Variants in CSMD3 observed in about 807,000 individuals in gnomAD.
CSMD3 encodes CUB and sushi domain-containing protein 3.
A neutral mutation model predicts 435.2 loss-of-function variants in CSMD3; 177 were observed. That is an observed-to-expected ratio of 0.41 (90% CI 0.36 to 0.46). The LOEUF (loss-of-function observed/expected upper bound fraction) is 0.46. CSMD3 is among the 20% of genes least tolerant of loss of function. CSMD3 has a pLI of 0.34. For missense variants in CSMD3, 4,265 were observed against 4,504.6 expected, an observed-to-expected ratio of 0.95 and a Z score of 1.52; for synonymous variants, 1,656 against 1,520.5, an observed-to-expected ratio of 1.09 and a Z score of -2.07.
chr8:113,085,038 A>G (rs2089708572), intron 5 of CSMD3, among the ~76,000 whole-genome samples: 1 of 152,120 alleles, frequency 6.6e-6, no homozygotes, highest in South Asian at 2.1e-4. Context: ...TACGAAACAC[A>G]CTTGAGGACA....
chr8:112,779,883 C>T (rs2078339856), intron 13 of CSMD3, among the ~76,000 whole-genome samples: 1 of 151,976 alleles, frequency 6.6e-6, no homozygotes, highest in South Asian at 2.1e-4. Context: ...ATTCTGTAAA[C>T]CTAAATGTCA....
chr8:112,818,557 C>T (rs1402968126), intron 12 of CSMD3, among the ~76,000 whole-genome samples: 1 of 152,152 alleles, frequency 6.6e-6, no homozygotes, highest in Non-Finnish European at 1.5e-5. Flanking sequence ...GTTAGAAAAG[C>T]ATTATTTAAA....
At chr8:112,740,105 C>T (rs1405066880) in intron 13 of CSMD3, among the ~76,000 whole-genome samples, 2 of 151,620 alleles carry the variant, frequency 1.3e-5, no homozygotes, top group Non-Finnish European at 3.0e-5. Flanking sequence ...TATCTGTATA[C>T]AAATATTTTG....
intron 23 of CSMD3, 55 bp downstream of exon 23, chr8:112,587,011 T>G: frequency 8.4e-7 from 1 of 1,189,468 alleles, no homozygotes; most frequent in Non-Finnish European, 1.3e-6. Context: ...TATCTATTGA[T>G]GTATATTTAA....
intron 4 of CSMD3, among the ~76,000 whole-genome samples, chr8:113,145,863 G>A (rs968063401): frequency 4.0e-5 from 6 of 151,398 alleles, no homozygotes; most frequent in African/African-American, 1.5e-4. Flanking sequence ...ACTGCTGTTG[G>A]CCACACAGGC....
chr8:112,592,649 A>T (rs1831294864), intron 22 of CSMD3, among the ~76,000 whole-genome samples: 1 of 152,162 alleles, frequency 6.6e-6, no homozygotes, highest in Non-Finnish European at 1.5e-5. Flanking sequence ...AATCAATTAT[A>T]TCATTTTCTG....
At chr8:112,281,911 A>C (rs1439302056) in intron 58 of CSMD3, among the ~76,000 whole-genome samples, 1 of 152,118 alleles carries the variant, frequency 6.6e-6, no homozygotes. Context: ...AAAGTAATTA[A>C]ATATTAGTAA....
intron 35 of CSMD3, among the ~76,000 whole-genome samples, chr8:112,396,034 A>T (rs944131582): frequency 2.0e-5 from 3 of 152,210 alleles, no homozygotes; most frequent in Non-Finnish European, 2.9e-5. Context: ...CATTTTAACT[A>T]TAAGCACAAC....
chr8:112,667,714 G>A (rs1295761363), intron 16 of CSMD3, among the ~76,000 whole-genome samples: 3 of 152,054 alleles, frequency 2.0e-5, no homozygotes, highest in Non-Finnish European at 4.4e-5. Flanking sequence ...ACACAGAAGA[G>A]AAAATGGAGG....
At position 112,765,536 on chromosome 8, in the gene CSMD3, A is replaced by T. The variant is rs1168528538; in HGVS notation, c.1972+34626T>A. ...AATCCAGCGTGCAGGAGGTGATTAC[A>T]TCGTTTTCTATATGAGTGTCAGGCT... On this transcript the variant is annotated intron_variant, in intron 13 of 70. Coordinates refer to ENST00000297405, the MANE Select transcript of CSMD3 (RefSeq NM_198123.2). 3.3e-5 allele frequency among the ~76,000 whole-genome samples: 5 copies of T among 151,788 alleles called. No individual in the cohort carries two copies. In the East Asian group the frequency reaches 9.7e-4, roughly 29 times the overall value.
chr8:113,100,021 A>T (rs1248399828), intron 4 of CSMD3, among the ~76,000 whole-genome samples: 1 of 152,118 alleles, frequency 6.6e-6, no homozygotes, highest in Non-Finnish European at 1.5e-5. Flanking sequence ...ATGGAGATGG[A>T]CAATATCTTT....
At chr8:112,634,235 A>G (rs1188722162) in intron 22 of CSMD3, among the ~76,000 whole-genome samples, 1 of 151,980 alleles carries the variant, frequency 6.6e-6, no homozygotes, top group Non-Finnish European at 1.5e-5. Flanking sequence ...AATAAAGACT[A>G]AAATATGGAA....
At chr8:112,495,789 T>C (rs1255949282) in intron 30 of CSMD3, among the ~76,000 whole-genome samples, 1 of 152,204 alleles carries the variant, frequency 6.6e-6, no homozygotes, top group East Asian at 1.9e-4. Context: ...GAACAGATAC[T>C]AGGTAAAAGA....
chr8:112,423,187 C>A (rs1812702741), intron 32 of CSMD3, among the ~76,000 whole-genome samples: 2 of 151,758 alleles, frequency 1.3e-5, no homozygotes, highest in Admixed American at 6.6e-5. Flanking sequence ...CATCCATAAC[C>A]AAAAAGAGCA....
chr8:113,070,743 G>T (rs2089075739), intron 5 of CSMD3, among the ~76,000 whole-genome samples: 1 of 152,094 alleles, frequency 6.6e-6, no homozygotes, highest in South Asian at 2.1e-4. Flanking sequence ...TTAGCATAAT[G>T]TACTCCAGAT....
chr8:112,931,772 A>G (rs1354004667), intron 9 of CSMD3, among the ~76,000 whole-genome samples: 2 of 152,196 alleles, frequency 1.3e-5, no homozygotes, highest in Non-Finnish European at 2.9e-5. Context: ...ATAATCCCAT[A>G]AAAGTGGACA....
chr8:113,109,149 C>T (rs764611985), intron 4 of CSMD3, among the ~76,000 whole-genome samples: 5 of 152,158 alleles, frequency 3.3e-5, no homozygotes, highest in Non-Finnish European at 7.4e-5. Flanking sequence ...ACAACAGCAA[C>T]GCTTGATTTA....
intron 27 of CSMD3, among the ~76,000 whole-genome samples, chr8:112,529,152 C>T (rs1337090697): frequency 6.6e-6 from 1 of 152,098 alleles, no homozygotes; most frequent in African/African-American, 2.4e-5. Flanking sequence ...ATCCAATGCC[C>T]CAACTTTGCC....
intron 30 of CSMD3, among the ~76,000 whole-genome samples, chr8:112,494,777 A>G (rs1006514562): frequency 1.3e-5 from 2 of 152,100 alleles, no homozygotes; most frequent in Admixed American, 6.6e-5. Flanking sequence ...TGGTATCTAA[A>G]GTGAGCATTG....
Sources: gnomAD v4.1 joint callset for allele counts (sites outside exome capture counted in the v4.1 genomes callset) on GRCh38, gnomAD v4.1.1 for gene constraint, MANE v1.5 for transcripts, NCBI Gene and HGNC (gene_info 2026-07-23, HGNC 2026-07-21) for gene names.